Variants in TENM1 observed in about 807,000 individuals in gnomAD.
TENM1 encodes the protein teneurin transmembrane protein 1, also known as teneurin-1.
A neutral mutation model predicts 174.8 loss-of-function variants in TENM1; 35 were observed. The ratio of observed to expected loss-of-function variants is 0.20; its 90% confidence interval spans 0.15 to 0.27. The LOEUF (loss-of-function observed/expected upper bound fraction) is 0.27, where lower values mean the gene tolerates loss of function less well. Ranked by LOEUF, TENM1 falls within the 10% of genes least tolerant of loss-of-function variation. The pLI is 1.00. For synonymous variants in TENM1, 781 were observed against 798.7 expected (o/e 0.98, Z 0.37); for missense variants, 1,633 against 2,130.1 (o/e 0.77, Z 4.59).
intron 5 of TENM1, among the ~76,000 whole-genome samples, chrX:124,696,208 C>G (rs2148480329): frequency 8.9e-6 from 1 of 111,881 alleles, no homozygotes; most frequent in East Asian, 2.8e-4. Context: ...CATTTTCCCA[C>G]TGGTATAAGA....
intron 1 of TENM1, among the ~76,000 whole-genome samples, chrX:124,931,289 A>G (rs1165437103): frequency 9.0e-6 from 1 of 111,332 alleles, no homozygotes; most frequent in East Asian, 2.8e-4. Flanking sequence ...AATCACAACA[A>G]TAACATTTCA....
At chrX:124,534,317 T>G (rs2048165178) in intron 15 of TENM1, among the ~76,000 whole-genome samples, 1 of 111,774 alleles carries the variant, frequency 8.9e-6, no homozygotes, top group African/African-American at 3.3e-5. Context: ...ATTTGTTATT[T>G]TCATGGAATA....
At chrX:124,588,105 G>T (rs1225899155) in intron 11 of TENM1, among the ~76,000 whole-genome samples, 1 of 111,649 alleles carries the variant, frequency 9.0e-6, no homozygotes, top group Non-Finnish European at 1.9e-5. Context: ...CTGTAAACTA[G>T]TTCAACCATT....
the TENM1 span, among the ~76,000 whole-genome samples, chrX:125,004,080 T>C: frequency 8.9e-6 from 1 of 112,078 alleles, no homozygotes; most frequent in Non-Finnish European, 1.9e-5. Context: ...ACAATACTAA[T>C]GAGTAATGAC....
chrX:124,574,950 A>G (rs1198855106), intron 11 of TENM1, among the ~76,000 whole-genome samples: 2 of 111,949 alleles, frequency 1.8e-5, no homozygotes, highest in East Asian at 2.8e-4. Context: ...AACTCCTTCC[A>G]TTTCTCAGTA....
At chrX:125,030,252 C>T in the TENM1 span, among the ~76,000 whole-genome samples, 2 of 111,732 alleles carry the variant, frequency 1.8e-5, no homozygotes, top group Admixed American at 9.5e-5. Context: ...AGAAGGTCGG[C>T]GTTTAGGAAC....
At chrX:124,581,142 G>A (rs970095525) in intron 11 of TENM1, among the ~76,000 whole-genome samples, 8 of 95,999 alleles carry the variant, frequency 8.3e-5, no homozygotes, top group African/African-American at 3.2e-4. Flanking sequence ...TCAGCTCACT[G>A]CAACCTCCAC....
At chrX:124,621,687 G>A (rs1055718987) in intron 11 of TENM1, among the ~76,000 whole-genome samples, 3 of 112,078 alleles carry the variant, frequency 2.7e-5, no homozygotes, top group African/African-American at 6.5e-5. Flanking sequence ...ATGTTAGTGC[G>A]CAAAAAGTTT....
chrX:124,796,131 A>G (rs1432292418), intron 3 of TENM1, among the ~76,000 whole-genome samples: 1 of 111,706 alleles, frequency 9.0e-6, no homozygotes, highest in East Asian at 2.8e-4. Context: ...AAGAAATAAT[A>G]TTAAGAAAAT....
At chrX:124,635,327 G>A (rs16999324) in intron 11 of TENM1, among the ~76,000 whole-genome samples, 1 of 112,220 alleles carries the variant, frequency 8.9e-6, no homozygotes, top group Non-Finnish European at 1.9e-5. Flanking sequence ...ACATGTCATA[G>A]GATAGTGTAA....
chrX:124,911,091 T>G (rs1299730317), intron 1 of TENM1, among the ~76,000 whole-genome samples: 1 of 110,254 alleles, frequency 9.1e-6, no homozygotes, highest in Non-Finnish European at 1.9e-5. Context: ...AATTTTTTAA[T>G]TTTTTATACA....
intron 3 of TENM1, among the ~76,000 whole-genome samples, chrX:124,867,644 T>A (rs945813774): frequency 1.8e-5 from 2 of 111,849 alleles, no homozygotes; most frequent in African/African-American, 6.5e-5. Context: ...GCTAGAGTAA[T>A]CATATAAGAG....
chrX:124,840,149 C>T (rs2056469015), intron 3 of TENM1, among the ~76,000 whole-genome samples: 1 of 111,362 alleles, frequency 9.0e-6, no homozygotes, highest in African/African-American at 3.3e-5. Flanking sequence ...CTTAGATGCC[C>T]ACCATTAGAT....
At chrX:125,037,339 G>A in the TENM1 span, among the ~76,000 whole-genome samples, 3 of 110,151 alleles carry the variant, frequency 2.7e-5, no homozygotes, top group Admixed American at 9.7e-5. Flanking sequence ...AACATACCAC[G>A]GGGTAGTAAG....
chrX:125,031,054 T>C, the TENM1 span, among the ~76,000 whole-genome samples: 1 of 110,687 alleles, frequency 9.0e-6, no homozygotes, highest in East Asian at 2.8e-4. Context: ...GTATGACTGA[T>C]CCTGCTATCC....
intron 3 of TENM1, among the ~76,000 whole-genome samples, chrX:124,769,827 G>A (rs1286487262): frequency 1.2e-4 from 13 of 111,751 alleles, no homozygotes; most frequent in Non-Finnish European, 2.3e-4. Flanking sequence ...ATTAGCCAAA[G>A]CAGAAGAACT....
At chrX:124,517,908 G>A (rs1375082365) in intron 18 of TENM1, among the ~76,000 whole-genome samples, 1 of 111,365 alleles carries the variant, frequency 9.0e-6, no homozygotes, top group Non-Finnish European at 1.9e-5. Flanking sequence ...CCTAGTGAAG[G>A]AAATGCTGTA....
intron 3 of TENM1, among the ~76,000 whole-genome samples, chrX:124,824,666 T>G (rs1181535366): frequency 8.9e-6 from 1 of 112,286 alleles, no homozygotes; most frequent in African/African-American, 3.2e-5. Flanking sequence ...ATCATATAGC[T>G]GGTAAAAGGC....
chrX:124,853,425 C>T (rs1207133167), intron 3 of TENM1, among the ~76,000 whole-genome samples: 2 of 110,905 alleles, frequency 1.8e-5, no homozygotes, highest in African/African-American at 6.6e-5. Context: ...AAAGTGTAAG[C>T]TCCAGAGGAG....
Sources: allele counts gnomAD v4.1 joint callset (sites outside exome capture counted in the v4.1 genomes callset), GRCh38; gene constraint gnomAD v4.1.1; transcripts MANE v1.5; gene names NCBI Gene and HGNC (gene_info 2026-07-23, HGNC 2026-07-21).